The following TAB2 variants were observed in gnomAD, a reference collection of about 807,000 sequenced individuals.
TAB2 encodes the protein TGF-beta-activated kinase 1 and MAP3K7-binding protein 2.
TAB2 carries 3 observed loss-of-function variants against 65.0 expected under a neutral mutation model. The observed-to-expected ratio is 0.05, with a 90% CI of 0.02 to 0.12. The LOEUF (loss-of-function observed/expected upper bound fraction) is 0.12, where lower values mean the gene tolerates loss of function less well. Among genes scored for constraint, TAB2 ranks in the 10% least tolerant of loss-of-function variants. TAB2 has a pLI of 1.00. For synonymous variants in TAB2, 298 were observed against 285.1 expected (o/e 1.05, Z -0.46); for missense variants, 623 against 840.3 (o/e 0.74, Z 3.20).
intron 1 of TAB2, among the ~76,000 whole-genome samples, chr6:149,275,300 G>GAAGGAAAGAAAA (rs1223068467): frequency 7.8e-6 from 1 of 128,302 alleles, no homozygotes; most frequent in East Asian, 2.4e-4. Flanking sequence ...AAGAAAGAAA[G>GAAGGAAAGAAAA]AGAAAAAAGA....
chr6:149,255,058 C>T (rs1473513861), intron 1 of TAB2, among the ~76,000 whole-genome samples: 3 of 152,138 alleles, frequency 2.0e-5, no homozygotes, highest in South Asian at 2.1e-4. Flanking sequence ...TGGGGCAAAA[C>T]GTTATGGACT....
chr6:149,366,770 A>G (rs1157009733), intron 1 of TAB2, among the ~76,000 whole-genome samples: 2 of 152,148 alleles, frequency 1.3e-5, no homozygotes, highest in East Asian at 3.8e-4. Context: ...AAATTGTACA[A>G]TTGAAGAATG....
intron 1 of TAB2, among the ~76,000 whole-genome samples, chr6:149,281,099 AGG>A (rs1306162880): frequency 0.029 from 4,482 of 152,194 alleles, 232 homozygotes; most frequent in African/African-American, 0.1. Flanking sequence ...GTAAATATAT[AGG>A]ATTTTTTCCT....
chr6:149,308,703 T>C (rs1483203126), intron 1 of TAB2, among the ~76,000 whole-genome samples: 1 of 151,972 alleles, frequency 6.6e-6, no homozygotes, highest in Non-Finnish European at 1.5e-5. Flanking sequence ...TAATTTTGTA[T>C]TTTTAGTAGA....
chr6:149,243,442 G>A (rs1048808728), intron 1 of TAB2: 3 of 152,206 alleles, frequency 2.0e-5, no homozygotes, highest in African/African-American at 7.2e-5. Context: ...TGTTGAAGGA[G>A]ACATCATGGT....
intron 1 of TAB2, among the ~76,000 whole-genome samples, chr6:149,369,386 A>C (rs1781144635): frequency 6.6e-6 from 1 of 152,232 alleles, no homozygotes; most frequent in Admixed American, 6.5e-5. Flanking sequence ...AGAGGGAATA[A>C]AATGCTACTA....
At chr6:149,247,189 C>T (rs1179888111) in intron 1 of TAB2, 1 of 152,368 alleles carries the variant, frequency 6.6e-6, no homozygotes, top group African/African-American at 2.4e-5. Context: ...ACGTCATCAT[C>T]CCGTGTGGCT....
intron 1 of TAB2, chr6:149,244,495 C>G (rs9399682): frequency 1.3e-5 from 2 of 152,162 alleles, no homozygotes; most frequent in African/African-American, 4.8e-5. Flanking sequence ...GGATGTATCC[C>G]GGATAGAGGT....
chr6:149,319,864 T>C (rs186294660), intron 1 of TAB2, among the ~76,000 whole-genome samples: 1 of 152,318 alleles, frequency 6.6e-6, no homozygotes, highest in Admixed American at 6.5e-5. Context: ...GTTAACTATT[T>C]CATAGTAGAA....
intron 1 of TAB2, among the ~76,000 whole-genome samples, chr6:149,324,673 T>C (rs942871601): frequency 2.0e-4 from 31 of 152,074 alleles, no homozygotes; most frequent in African/African-American, 7.0e-4. Context: ...AGATGAAAAC[T>C]TGAACTCAGC....
chr6:149,323,000 T>C (rs915288369), intron 1 of TAB2, among the ~76,000 whole-genome samples: 1 of 152,160 alleles, frequency 6.6e-6, no homozygotes, highest in African/African-American at 2.4e-5. Flanking sequence ...GTGCAGAACA[T>C]GTCTTCCTTT....
chr6:149,312,741 G>A (rs76530782), upstream of TAB2, among the ~76,000 whole-genome samples: 512 of 152,290 alleles, frequency 3.4e-3, 22 homozygotes, highest in East Asian at 0.081. Context: ...CCTCTCTACC[G>A]CTGGGTGAAA....
chr6:149,270,272 A>AT (rs1350497758), intron 1 of TAB2, among the ~76,000 whole-genome samples: 1 of 152,134 alleles, frequency 6.6e-6, no homozygotes, highest in Non-Finnish European at 1.5e-5. Flanking sequence ...TCTTCTGCTC[A>AT]TTTTTTAACT....
In TAB2 at chr6:149,372,737, C is replaced by T. The variant is rs374968906; in HGVS notation, c.102+2638C>T. 1.2e-4 allele frequency among the ~76,000 whole-genome samples: 19 copies of T among 152,228 alleles called. No homozygotes were observed. The South Asian group carries it at 3.9e-3, about 32-fold the overall frequency. On this transcript the variant is annotated intron_variant, in intron 2 of 6. Coordinates refer to ENST00000637181, the MANE Select transcript of TAB2 (RefSeq NM_001292034.3). ...GTAATGTACTTTTTAGCTGATATAA[C>T]AAGAAATCTGACAAGAAAGGAATAG...
chr6:149,364,451 T>C (rs56836556), intron 1 of TAB2, among the ~76,000 whole-genome samples: 5,137 of 152,132 alleles, frequency 0.034, 279 homozygotes, highest in African/African-American at 0.12. Flanking sequence ...ACAAGCGAGA[T>C]GGCAGGCAGC....
intron 1 of TAB2, among the ~76,000 whole-genome samples, chr6:149,296,834 T>A (rs936815652): frequency 6.6e-6 from 1 of 152,220 alleles, no homozygotes; most frequent in African/African-American, 2.4e-5. Flanking sequence ...ATTAAGTAAT[T>A]GGTAGCCTGG....
chr6:149,253,391 C>T (rs953731805), intron 1 of TAB2, among the ~76,000 whole-genome samples: 8 of 151,684 alleles, frequency 5.3e-5, no homozygotes, highest in African/African-American at 1.7e-4. Flanking sequence ...GAGACCAAGA[C>T]GGGCGGATCA....
intron 1 of TAB2, among the ~76,000 whole-genome samples, chr6:149,250,614 T>C (rs1777839799): frequency 6.6e-6 from 1 of 152,158 alleles, no homozygotes; most frequent in African/African-American, 2.4e-5. Flanking sequence ...CCAACCAAAC[T>C]TTTTTAAATT....
chr6:149,256,282 G>A (rs377726822), intron 1 of TAB2, among the ~76,000 whole-genome samples: 16 of 152,246 alleles, frequency 1.1e-4, no homozygotes, highest in Admixed American at 3.3e-4. Context: ...CTACTAGAGG[G>A]CATTGGAGTA....
Sources: gnomAD v4.1 joint callset for allele counts (sites outside exome capture counted in the v4.1 genomes callset) on GRCh38, gnomAD v4.1.1 for gene constraint, MANE v1.5 for transcripts, NCBI Gene and HGNC (gene_info 2026-07-23, HGNC 2026-07-21) for gene names.